CALCR: variants seen among roughly 807,000 people sequenced by gnomAD.
CALCR encodes the protein calcitonin receptor.
A neutral mutation model predicts 59.5 loss-of-function variants in CALCR; 47 were observed. The observed-to-expected ratio is 0.79, with a 90% CI of 0.63 to 1.01. The LOEUF (loss-of-function observed/expected upper bound fraction) is 1.01, where lower values mean the gene tolerates loss of function less well. Ranked by LOEUF, CALCR falls within the 50% of genes least tolerant of loss-of-function variation. CALCR has a pLI of 0.00. For synonymous variants in CALCR, 213 were observed against 211.3 expected, an observed-to-expected ratio of 1.01 and a Z score of -0.07; for missense variants, 566 against 597.1, an observed-to-expected ratio of 0.95 and a Z score of 0.54.
chr7:93,499,693 A>G (rs1215760091), intron 2 of CALCR, among the ~76,000 whole-genome samples: 2 of 151,756 alleles, frequency 1.3e-5, no homozygotes, highest in African/African-American at 4.8e-5. Flanking sequence ...TGATTGGTTA[A>G]ATATGTTGGT....
chr7:93,549,030 T>C lies in CALCR; in HGVS notation c.-27+25259A>G, dbSNP rs550180310. On this transcript the variant is annotated intron_variant, in intron 2 of 13. Coordinates refer to ENST00000426151, the MANE Select transcript of CALCR (RefSeq NM_001742.4). ...ATTACGTTGGATTTAAGTTATTTCC[T>C]TATTTTTGGGAAGGGAAATGGAAAT... Among the ~76,000 whole-genome samples the C allele has an allele frequency of 4.6e-5, 7 of 152,208 alleles. No homozygotes were observed. In the South Asian group the frequency reaches 1.4e-3, roughly 32 times the overall value.
chr7:93,442,914 C>G (rs1022018189), intron 9 of CALCR, among the ~76,000 whole-genome samples: 1 of 152,172 alleles, frequency 6.6e-6, no homozygotes, highest in Admixed American at 6.5e-5. Flanking sequence ...GTTCAGTTCC[C>G]TTCCACCAGG....
At chr7:93,567,075 G>A (rs1280528402) in intron 2 of CALCR, among the ~76,000 whole-genome samples, 1 of 152,198 alleles carries the variant, frequency 6.6e-6, no homozygotes, top group Non-Finnish European at 1.5e-5. Flanking sequence ...AAACAGTTCT[G>A]CATGATTAAA....
chr7:93,445,741 G>T (rs1799994909), intron 8 of CALCR, among the ~76,000 whole-genome samples: 1 of 152,068 alleles, frequency 6.6e-6, no homozygotes, highest in East Asian at 1.9e-4. Flanking sequence ...TCAACCAATA[G>T]CACTATTACT....
intron 9 of CALCR, 33 bp downstream of exon 9, chr7:93,443,571 G>A (rs1799952542): frequency 6.2e-7 from 1 of 1,603,086 alleles, no homozygotes; most frequent in Non-Finnish European, 8.5e-7. Flanking sequence ...AGAGGTGAAA[G>A]TGACTCAAAA....
In CALCR at chr7:93,426,127, A is replaced by G. The variant is rs1375672674; in HGVS notation, c.*229T>C. ...TGTGACATTTGCATCTCAGTCCTGG[A>G]TGAATGATGGAGTTCACAAGTTGCA... On this transcript the variant is annotated 3_prime_UTR_variant, in exon 14 of 14. Coordinates refer to ENST00000426151, the MANE Select transcript of CALCR (RefSeq NM_001742.4). 4.1e-6 allele frequency: 2 copies of G among 486,756 alleles called. No individual in the cohort carries two copies. The highest frequency in any genetic ancestry group is 7.2e-6 in the Non-Finnish European group (2 of 276,646). 30.2% of individuals were successfully genotyped at this position (486,756 alleles called of 1,614,324 possible). A position where few individuals can be genotyped will look rare whatever the true frequency, so the allele number is the denominator to read the frequency against.
chr7:93,427,095 C>A (rs748720221), intron 13 of CALCR, among the ~76,000 whole-genome samples: 8 of 152,208 alleles, frequency 5.3e-5, no homozygotes, highest in African/African-American at 1.9e-4. Flanking sequence ...ATGCCAGATA[C>A]ATCTCTGGTT....
At chr7:93,495,459 T>A (rs1247267471) in intron 2 of CALCR, among the ~76,000 whole-genome samples, 1 of 151,382 alleles carries the variant, frequency 6.6e-6, no homozygotes, top group African/African-American at 2.4e-5. Flanking sequence ...TGTCAATCTA[T>A]AATTTAGTAA....
intron 2 of CALCR, among the ~76,000 whole-genome samples, chr7:93,490,680 C>T (rs1460621499): frequency 6.6e-6 from 1 of 151,646 alleles, no homozygotes; most frequent in African/African-American, 2.4e-5. Context: ...AATAAAATAC[C>T]CAGGAATACA....
intron 7 of CALCR, among the ~76,000 whole-genome samples, chr7:93,468,019 G>A (rs1210520305): frequency 1.3e-5 from 2 of 151,556 alleles, no homozygotes; most frequent in Non-Finnish European, 3.0e-5. Flanking sequence ...TTAGGACAAT[G>A]TTATGAGTGC....
intron 2 of CALCR, among the ~76,000 whole-genome samples, chr7:93,519,398 G>T (rs1259456421): frequency 1.3e-5 from 2 of 151,902 alleles, no homozygotes; most frequent in African/African-American, 4.8e-5. Flanking sequence ...TATTAGTAGG[G>T]TGACCCTAGG....
intron 8 of CALCR, among the ~76,000 whole-genome samples, chr7:93,460,568 AAAAAATATATATATATATATATATGTAT>A (rs1800299736): frequency 1.2e-5 from 1 of 80,030 alleles, no homozygotes; most frequent in African/African-American, 9.1e-5. Context: ...AAAAAAAAAA[AAAAAATATATATATATATATATATGTAT>A]ATATATATAT....
At chr7:93,503,407 AACACAC>A (rs112593093) in intron 2 of CALCR, among the ~76,000 whole-genome samples, 1 of 150,850 alleles carries the variant, frequency 6.6e-6, no homozygotes, top group Non-Finnish European at 1.5e-5. Flanking sequence ...AATAATTAGA[AACACAC>A]ACACACACAC....
intron 2 of CALCR, among the ~76,000 whole-genome samples, chr7:93,544,680 A>C (rs575991181): frequency 1.3e-5 from 2 of 151,910 alleles, no homozygotes; most frequent in African/African-American, 4.8e-5. Context: ...TGTTTTTCTA[A>C]TTCTCCGTAG....
At chr7:93,481,976 G>A (rs1800807719) in intron 3 of CALCR, among the ~76,000 whole-genome samples, 1 of 151,858 alleles carries the variant, frequency 6.6e-6, no homozygotes, top group Non-Finnish European at 1.5e-5. Context: ...AATAAAATAA[G>A]TGTAGACTGT....
intron 3 of CALCR, among the ~76,000 whole-genome samples, chr7:93,481,870 T>C (rs556086610): frequency 6.6e-6 from 1 of 151,902 alleles, no homozygotes; most frequent in Non-Finnish European, 1.5e-5. Context: ...TCTTTTGATA[T>C]ATGACACTTT....
chr7:93,474,656 G>T (rs1364144695), intron 5 of CALCR, among the ~76,000 whole-genome samples: 2 of 151,720 alleles, frequency 1.3e-5, no homozygotes, highest in East Asian at 3.9e-4. Flanking sequence ...ATACTCTCCA[G>T]TTCTTCAAAG....
intron 5 of CALCR, 73 bp downstream of exon 5, chr7:93,477,485 G>T: frequency 9.8e-7 from 1 of 1,025,438 alleles, no homozygotes; most frequent in Non-Finnish European, 1.5e-6. Context: ...TTTTGTATCT[G>T]ATTTTCTTCT....
chr7:93,495,936 G>T (rs1252138434), intron 2 of CALCR: 1 of 1,528,042 alleles, frequency 6.5e-7, no homozygotes, highest in Non-Finnish European at 8.8e-7. Context: ...TTGCATCCTG[G>T]GGTGGCAAAA....
Sources: allele counts gnomAD v4.1 joint callset (sites outside exome capture counted in the v4.1 genomes callset), GRCh38; gene constraint gnomAD v4.1.1; transcripts MANE v1.5; gene names NCBI Gene and HGNC (gene_info 2026-07-23, HGNC 2026-07-21).